THAP6: variants seen among roughly 807,000 people sequenced by gnomAD.
THAP6 encodes THAP domain-containing protein 6.
A neutral mutation model predicts 20.0 loss-of-function variants in THAP6; 13 were observed. The observed-to-expected ratio is 0.65, with a 90% CI of 0.42 to 1.03. The LOEUF is 1.03. Among genes scored for constraint, THAP6 ranks in the 50% least tolerant of loss-of-function variants. The pLI, the probability that THAP6 is intolerant of heterozygous loss-of-function variation, is 0.00. For missense variants in THAP6, 262 were observed against 261.6 expected (o/e 1.00, Z -0.01); for synonymous variants, 93 against 92.2 (o/e 1.01, Z -0.05).
chr4:75,531,658 T>A (rs1726683374), downstream of THAP6, among the ~76,000 whole-genome samples: 2 of 152,170 alleles, frequency 1.3e-5, no homozygotes, highest in Non-Finnish European at 2.9e-5. Flanking sequence ...GAAAGAAGTT[T>A]AATGGACTTA....
chr4:75,532,736 A>G (rs781103388), downstream of THAP6, among the ~76,000 whole-genome samples: 2 of 152,206 alleles, frequency 1.3e-5, no homozygotes, highest in Non-Finnish European at 2.9e-5. Flanking sequence ...TCAACATCAT[A>G]TGGAAGCTGC....
At chr4:75,521,303 G>T (rs990599780) in intron 3 of THAP6, among the ~76,000 whole-genome samples, 3 of 151,688 alleles carry the variant, frequency 2.0e-5, no homozygotes, top group Admixed American at 6.6e-5. Flanking sequence ...TTTCATTGTG[G>T]TTTATTATGT....
intron 2 of THAP6, among the ~76,000 whole-genome samples, chr4:75,540,117 T>C (rs980716181): frequency 6.6e-6 from 1 of 152,214 alleles, no homozygotes; most frequent in African/African-American, 2.4e-5. Context: ...CTTAGATATG[T>C]TTCGTTCATT....
At chr4:75,514,656 T>G (rs1388092204) in intron 1 of THAP6, 136 bp downstream of exon 1, 2 of 188,956 alleles carry the variant, frequency 1.1e-5, no homozygotes, top group Non-Finnish European at 2.2e-5. Flanking sequence ...ACTGGGCGCA[T>G]CGTTACCTGT....
chr4:75,545,662 T>A (rs1289574455), intron 3 of THAP6, among the ~76,000 whole-genome samples: 1 of 152,018 alleles, frequency 6.6e-6, no homozygotes, highest in East Asian at 1.9e-4. Context: ...ACACACATAA[T>A]CCTGGCTGAG....
chr4:75,520,623 T>C (rs1312381450), intron 3 of THAP6, among the ~76,000 whole-genome samples: 1 of 152,180 alleles, frequency 6.6e-6, no homozygotes, highest in East Asian at 1.9e-4. Flanking sequence ...AAATGAACAT[T>C]ATTGTAGCTG....
intron 2 of THAP6, among the ~76,000 whole-genome samples, chr4:75,538,009 C>G (rs1375198647): frequency 6.6e-6 from 1 of 152,134 alleles, no homozygotes; most frequent in Non-Finnish European, 1.5e-5. Flanking sequence ...GTTACAATGG[C>G]AATAGGAAAC....
In THAP6 at chr4:75,525,560, A is replaced by T. The variant is rs1183758812; in HGVS notation, c.415-1400A>T. 6.0e-4 allele frequency among the ~76,000 whole-genome samples: 91 copies of T among 152,158 alleles called. 1 individual carries two copies. Among genetic ancestry groups the T allele is most frequent in the Admixed American group, 5.9e-3 (90 of 15,272 alleles). On this transcript the variant is annotated intron_variant, in intron 4 of 4. Coordinates refer to ENST00000311638, the MANE Select transcript of THAP6 (RefSeq NM_144721.6). ...CTTTCTTAATTGTCTGCTAATTCTA[A>T]CATTTGTGTCAGTTCCGGCTTGGTT... is the stretch of plus-strand genomic sequence containing the variant.
chr4:75,535,133 A>G (rs1402898425), intron 2 of THAP6, among the ~76,000 whole-genome samples: 2 of 152,248 alleles, frequency 1.3e-5, no homozygotes, highest in African/African-American at 2.4e-5. Context: ...TTAAGAAACT[A>G]TCAGATCTCA....
intron 2 of THAP6, among the ~76,000 whole-genome samples, chr4:75,537,405 C>T (rs996553792): frequency 1.3e-5 from 2 of 152,108 alleles, no homozygotes; most frequent in African/African-American, 4.8e-5. Context: ...ATACTGTTCT[C>T]ATGGTAGTGA....
chr4:75,514,205 G>A, upstream of THAP6: 1 of 1,612,334 alleles, frequency 6.2e-7, no homozygotes, highest in Non-Finnish European at 8.5e-7. Flanking sequence ...ACCTTTAGGA[G>A]ACATCCTCTG....
downstream of THAP6, among the ~76,000 whole-genome samples, chr4:75,533,028 C>T (rs554934228): frequency 3.3e-5 from 5 of 152,144 alleles, no homozygotes; most frequent in Admixed American, 2.6e-4. Context: ...TTTCTGCAGC[C>T]GGCTTGAATT....
intron 2 of THAP6, among the ~76,000 whole-genome samples, chr4:75,540,600 C>T (rs1055680150): frequency 7.9e-5 from 12 of 152,148 alleles, no homozygotes; most frequent in Non-Finnish European, 1.5e-4. Flanking sequence ...GGGCCTTGTG[C>T]TTTTTAAAAC....
intron 2 of THAP6, chr4:75,539,842 AT>A: frequency 6.5e-7 from 1 of 1,536,066 alleles, no homozygotes. Context: ...TCTTCTTTAA[AT>A]TCCATCCCAT....
chr4:75,515,558 A>C, intron 2 of THAP6, 26 bp downstream of exon 2: 1 of 1,607,938 alleles, frequency 6.2e-7, no homozygotes, highest in East Asian at 2.2e-5. Flanking sequence ...AGTTAAGCCA[A>C]ATACTTTGGC....
At chr4:75,539,990 C>G in intron 2 of THAP6, 1 of 1,531,084 alleles carries the variant, frequency 6.5e-7, no homozygotes, top group South Asian at 1.2e-5. Context: ...ATAATCTTCC[C>G]TCTCTTGTGG....
At chr4:75,543,909 T>C (rs533837507) in intron 3 of THAP6, among the ~76,000 whole-genome samples, 63 of 152,266 alleles carry the variant, frequency 4.1e-4, no homozygotes, top group African/African-American at 1.4e-3. Context: ...TGATAGACAA[T>C]ATAGGCACTA....
At chr4:75,523,755 G>A (rs975635850) in intron 4 of THAP6, among the ~76,000 whole-genome samples, 13 of 142,860 alleles carry the variant, frequency 9.1e-5, no homozygotes, top group Non-Finnish European at 1.8e-4. Context: ...GAGCTTGATC[G>A]CATTCACTGT....
intron 2 of THAP6, chr4:75,539,737 A>G (rs1726954910): frequency 1.4e-6 from 2 of 1,398,952 alleles, no homozygotes; most frequent in African/African-American, 2.9e-5. Context: ...CTTACAAAGT[A>G]GACAATAGCA....
Sources: gnomAD v4.1 joint callset for allele counts (sites outside exome capture counted in the v4.1 genomes callset) on GRCh38, gnomAD v4.1.1 for gene constraint, MANE v1.5 for transcripts, NCBI Gene and HGNC (gene_info 2026-07-23, HGNC 2026-07-21) for gene names.